Variants in EVL observed in about 807,000 individuals in gnomAD.
EVL encodes the protein ena/VASP-like protein.
In EVL, 21 loss-of-function variants were observed where a neutral mutation model predicts 59.6. The observed-to-expected ratio is 0.35, with a 90% confidence interval of 0.25 to 0.51. The LOEUF is 0.51. EVL is among the 20% of genes least tolerant of loss of function. The pLI is 0.97. For synonymous variants in EVL, 198 were observed against 203.5 expected (o/e 0.97, Z 0.23); for missense variants, 462 against 546.6 (o/e 0.85, Z 1.54).
chr14:100,038,908 A>G (rs1429079377), intron 1 of EVL, among the ~76,000 whole-genome samples: 1 of 152,092 alleles, frequency 6.6e-6, no homozygotes, highest in Non-Finnish European at 1.5e-5. Flanking sequence ...TCTCTTGAAT[A>G]TATCCTGCCT....
chr14:100,047,817 C>T (rs999009131), intron 1 of EVL, among the ~76,000 whole-genome samples: 5 of 152,030 alleles, frequency 3.3e-5, no homozygotes, highest in Non-Finnish European at 7.4e-5. Context: ...AAATAGGTCC[C>T]GACAAAAATG....
chr14:100,124,366 A>G (rs1203141196), intron 4 of EVL, among the ~76,000 whole-genome samples: 2 of 152,170 alleles, frequency 1.3e-5, no homozygotes, highest in Admixed American at 6.5e-5. Flanking sequence ...ACCAAATGGC[A>G]TACGGACTTC....
At chr14:100,122,703 G>A (rs1887776288) in intron 3 of EVL, among the ~76,000 whole-genome samples, 1 of 152,220 alleles carries the variant, frequency 6.6e-6, no homozygotes, top group Non-Finnish European at 1.5e-5. Flanking sequence ...ACTCTCTGCA[G>A]TTCCCTAGTG....
chr14:100,037,859 G>A (rs150037222), intron 1 of EVL, among the ~76,000 whole-genome samples: 4 of 152,312 alleles, frequency 2.6e-5, no homozygotes, highest in African/African-American at 7.2e-5. Context: ...AGACATTAGG[G>A]ATACAAATGG....
intron 1 of EVL, among the ~76,000 whole-genome samples, chr14:100,067,027 T>C (rs940090214): frequency 3.9e-5 from 6 of 152,216 alleles, no homozygotes; most frequent in African/African-American, 1.2e-4. Context: ...ATCAGGAAAT[T>C]GAGGCCCAGT....
At position 100,047,114 on chromosome 14, in the gene EVL, C is replaced by CT. The variant is rs1379774654; in HGVS notation, c.6-37572dup. Among the ~76,000 whole-genome samples the CT allele has an allele frequency of 1.6e-3, 150 of 95,104 alleles. 25 individuals are homozygous for CT. Among genetic ancestry groups the CT allele is most frequent in the Admixed American group, 4.7e-3 (38 of 8,050 alleles). 62.4% of individuals were successfully genotyped at this position (95,104 alleles called of 152,430 possible). On this transcript the variant is annotated intron_variant, in intron 1 of 13. Transcript: ENST00000402714. ...ATTTTGAGACCTTGGGCAGATCTCTCTCTCTTTTTTTTTTTTTTTTTTTTT... is the reference window on the plus strand; with the variant it reads ...ATTTTGAGACCTTGGGCAGATCTCTCTTCTCTTTTTTTTTTTTTTTTTTTTT...
chr14:100,125,004 G>A lies in EVL; in HGVS notation c.422+1402G>A, dbSNP rs546657824. ...CTGCAAGACGAGACCACACACATGC[G>A]CACACACACACACCTGCCCCAAGAT... On this transcript the variant is annotated intron_variant, in intron 4 of 13. Transcript: ENST00000392920. Among the ~76,000 whole-genome samples, 256 of 149,464 alleles carry A rather than the reference G, an allele frequency of 1.7e-3. 4 individuals are homozygous for A. The highest frequency in any genetic ancestry group is 0.011 in the Middle Eastern group (3 of 282).
At chr14:100,056,061 C>A (rs559972962) in intron 1 of EVL, among the ~76,000 whole-genome samples, 1 of 152,112 alleles carries the variant, frequency 6.6e-6, no homozygotes, top group African/African-American at 2.4e-5. Context: ...CCGCCCACCT[C>A]GGCCTCCCAA....
At chr14:99,998,501 TAC>T (rs1038547555) in intron 1 of EVL, among the ~76,000 whole-genome samples, 36 of 152,122 alleles carry the variant, frequency 2.4e-4, no homozygotes, top group African/African-American at 8.2e-4. Context: ...AGGAGATACA[TAC>T]ACACACACAT....
upstream of EVL, chr14:100,065,176 C>G (rs2061904706): frequency 5.7e-6 from 1 of 175,208 alleles, no homozygotes; most frequent in Non-Finnish European, 1.2e-5. Flanking sequence ...TTCACCCACC[C>G]TTGCACCCTT....
intron 1 of EVL, among the ~76,000 whole-genome samples, chr14:100,002,600 C>A (rs2060952718): frequency 6.6e-6 from 1 of 152,136 alleles, no homozygotes; most frequent in South Asian, 2.1e-4. Flanking sequence ...AATTTTTAAA[C>A]CAAATAAGCC....
At chr14:100,084,939 G>A in intron 2 of EVL, 84 bp downstream of exon 2, 1 of 1,475,122 alleles carries the variant, frequency 6.8e-7, no homozygotes, top group African/African-American at 1.4e-5. Flanking sequence ...GTATCATTAA[G>A]AGGTCAGAAC....
At chr14:100,103,187 AG>A (rs779621383) in intron 3 of EVL, among the ~76,000 whole-genome samples, 4,662 of 142,496 alleles carry the variant, frequency 0.033, 113 homozygotes, top group Non-Finnish European at 0.042. Context: ...TTTCCCAGAG[AG>A]TTTTTTTTTT....
intron 4 of EVL, among the ~76,000 whole-genome samples, chr14:100,125,416 A>AT (rs1469772420): frequency 1.3e-5 from 2 of 152,126 alleles, no homozygotes; most frequent in Non-Finnish European, 2.9e-5. Context: ...TGACTTGAGT[A>AT]TTTTTCACAC....
chr14:99,976,189 T>C (rs2060769189), intron 1 of EVL, among the ~76,000 whole-genome samples: 1 of 81,068 alleles, frequency 1.2e-5, no homozygotes, highest in African/African-American at 6.2e-5. Flanking sequence ...CTTTTATTTA[T>C]TTATTTATTT....
chr14:100,007,453 G>A (rs60294377), intron 1 of EVL, among the ~76,000 whole-genome samples: 11,723 of 152,234 alleles, frequency 0.077, 480 homozygotes, highest in Middle Eastern at 0.11. Flanking sequence ...GGGGCCCCAA[G>A]ATTTATTTTC....
chr14:100,100,396 C>T (rs1217471090), intron 3 of EVL, among the ~76,000 whole-genome samples: 1 of 152,122 alleles, frequency 6.6e-6, no homozygotes, highest in Non-Finnish European at 1.5e-5. Flanking sequence ...GACGAATAAG[C>T]TTTTGCTTCA....
intron 1 of EVL, among the ~76,000 whole-genome samples, chr14:100,005,789 C>G (rs2060975180): frequency 6.6e-6 from 1 of 151,918 alleles, no homozygotes. Flanking sequence ...GCAGAAGTAC[C>G]AAGCATCAAA....
chr14:100,047,118 C>A lies in EVL; in HGVS notation c.6-37569C>A, dbSNP rs12590931. Among the ~76,000 whole-genome samples, 20 of 23,912 alleles carry A rather than the reference C, an allele frequency of 8.4e-4. No homozygotes were observed. In the East Asian group the frequency reaches 0.012, roughly 14 times the overall value. 15.7% of individuals were successfully genotyped at this position (23,912 alleles called of 152,430 possible). On this transcript the variant is annotated intron_variant, in intron 1 of 13. Coordinates refer to the EVL transcript ENST00000402714. ...TGAGACCTTGGGCAGATCTCTCTCT[C>A]TTTTTTTTTTTTTTTTTTTTTTTTT...
Sources: gnomAD v4.1 joint callset for allele counts (sites outside exome capture counted in the v4.1 genomes callset) on GRCh38, gnomAD v4.1.1 for gene constraint, MANE v1.5 for transcripts, NCBI Gene and HGNC (gene_info 2026-07-23, HGNC 2026-07-21) for gene names.